The following SPATA17 variants were observed in gnomAD, a reference collection of about 807,000 sequenced individuals.
The protein encoded by SPATA17 is spermatogenesis associated 17, also known as spermatogenesis-associated protein 17.
In SPATA17, 53 loss-of-function variants were observed where a neutral mutation model predicts 62.2. That is an observed-to-expected ratio of 0.85 (90% CI 0.68 to 1.07). SPATA17 has a LOEUF of 1.07. Among genes scored for constraint, SPATA17 ranks in the 50% least tolerant of loss-of-function variants. SPATA17 has a pLI of 0.00. For missense variants in SPATA17, 466 were observed against 425.5 expected (o/e 1.10, Z -0.84); for synonymous variants, 146 against 146.8 (o/e 0.99, Z 0.04).
intron 5 of SPATA17, among the ~76,000 whole-genome samples, chr1:217,695,996 C>G (rs1358132442): frequency 6.6e-6 from 1 of 151,046 alleles, no homozygotes; most frequent in African/African-American, 2.4e-5. Flanking sequence ...GCAGGCAGGC[C>G]TCCTTGAGCT....
chr1:217,724,553 A>C (rs2102936741), intron 5 of SPATA17, among the ~76,000 whole-genome samples: 1 of 152,226 alleles, frequency 6.6e-6, no homozygotes, highest in South Asian at 2.1e-4. Flanking sequence ...GTGCTACTGC[A>C]CTCCAGTCTG....
At chr1:217,849,485 C>T (rs527289218) in intron 9 of SPATA17, among the ~76,000 whole-genome samples, 3 of 152,098 alleles carry the variant, frequency 2.0e-5, no homozygotes, top group African/African-American at 7.2e-5. Flanking sequence ...GTTCACAAAA[C>T]TTTGTTGACC....
At chr1:217,727,529 C>T (rs10863339) in intron 5 of SPATA17, among the ~76,000 whole-genome samples, 38,359 of 151,704 alleles carry the variant, frequency 0.25, 5,275 homozygotes, top group African/African-American at 0.35. Flanking sequence ...AAAGCAGGGG[C>T]TATGTATTAT....
intron 3 of SPATA17, among the ~76,000 whole-genome samples, chr1:217,658,917 A>G (rs1162045507): frequency 6.6e-6 from 1 of 151,966 alleles, no homozygotes; most frequent in East Asian, 1.9e-4. Context: ...TGTGTTTTCT[A>G]TTGTCGCCTG....
chr1:217,718,648 C>A (rs1394732216), intron 5 of SPATA17, among the ~76,000 whole-genome samples: 1 of 151,404 alleles, frequency 6.6e-6, no homozygotes, highest in Non-Finnish European at 1.5e-5. Flanking sequence ...AGCAAAGGTA[C>A]CAGGGAGTTA....
intron 6 of SPATA17, among the ~76,000 whole-genome samples, chr1:217,771,690 A>G (rs931250990): frequency 2.0e-5 from 3 of 152,134 alleles, no homozygotes; most frequent in African/African-American, 7.2e-5. Flanking sequence ...ATTCAATTAA[A>G]ATATATTTTC....
At chr1:217,742,649 A>G (rs1293119275) in intron 6 of SPATA17, among the ~76,000 whole-genome samples, 1 of 152,144 alleles carries the variant, frequency 6.6e-6, no homozygotes, top group Non-Finnish European at 1.5e-5. Context: ...AAATGTCAAT[A>G]CCCTGGATTT....
chr1:217,710,820 G>C (rs1250572127), intron 5 of SPATA17, among the ~76,000 whole-genome samples: 1 of 99,724 alleles, frequency 1.0e-5, no homozygotes, highest in East Asian at 2.4e-4. Context: ...CCCTTTATTA[G>C]TCATCCCCAT....
chr1:217,735,170 G>T (rs536583447), intron 5 of SPATA17, among the ~76,000 whole-genome samples: 3 of 152,274 alleles, frequency 2.0e-5, no homozygotes, highest in South Asian at 4.1e-4. Context: ...CATTATTCTT[G>T]ACCTTCAGGA....
intron 5 of SPATA17, among the ~76,000 whole-genome samples, chr1:217,686,212 G>T (rs12564564): frequency 2.0e-5 from 3 of 152,076 alleles, no homozygotes; most frequent in Non-Finnish European, 4.4e-5. Flanking sequence ...GGGATTACTA[G>T]TCTTTGGAAG....
rs776432950 is a variant in SPATA17 at position 217,648,917 on chromosome 1, C to T, written c.104C>T (p.Ala35Val). 6.2e-7 allele frequency: 1 copy of T among 1,609,544 alleles called. No individual in the cohort carries two copies. Among genetic ancestry groups the T allele is most frequent in the Non-Finnish European group, 8.5e-7 (1 of 1,178,076 alleles). ...CCATTTAGAAAAAAGGAGAATGATG[C>T]AGCAGTTAAAATCCAAAGCTGGTTT... The part of the protein sequence containing the change: ...VDPFRKKEND[A>V]AVKIQSWFRG... The change falls in exon 2 of 11, where the codon GCA becomes GTA. Residue 35 changes from alanine to valine, a missense_variant. By Grantham distance (64) the Ala-to-Val change is moderately conservative. Coordinates refer to ENST00000366933, the MANE Select transcript of SPATA17 (RefSeq NM_138796.4).
chr1:217,801,292 A>G (rs1674305676), intron 8 of SPATA17, among the ~76,000 whole-genome samples: 1 of 152,206 alleles, frequency 6.6e-6, no homozygotes, highest in Admixed American at 6.6e-5. Context: ...TGCCACCATT[A>G]TTGAAGTGAC....
At chr1:217,656,188 C>A (rs190541410) in intron 3 of SPATA17, among the ~76,000 whole-genome samples, 43 of 152,176 alleles carry the variant, frequency 2.8e-4, no homozygotes, top group Admixed American at 2.7e-3. Context: ...CAGGCTGAGA[C>A]GTCTTTTTAA....
chr1:217,670,968 A>G (rs1028090093), intron 4 of SPATA17, among the ~76,000 whole-genome samples: 119 of 151,634 alleles, frequency 7.8e-4, no homozygotes, highest in Admixed American at 1.2e-3. Flanking sequence ...AAAAAAAAAA[A>G]AAAAGAAATC....
chr1:217,663,262 T>C (rs1670610723), intron 3 of SPATA17, among the ~76,000 whole-genome samples: 1 of 152,028 alleles, frequency 6.6e-6, no homozygotes, highest in African/African-American at 2.4e-5. Context: ...CTGGCCAACT[T>C]AGTGAAACCC....
chr1:217,766,720 C>CTTTTTTTTTTTTT (rs71167423), intron 6 of SPATA17, among the ~76,000 whole-genome samples: 2 of 131,398 alleles, frequency 1.5e-5, no homozygotes. Context: ...ATATCGTTCT[C>CTTTTTTTTTTTTT]TTTTTTTTTT....
intron 5 of SPATA17, among the ~76,000 whole-genome samples, chr1:217,737,161 A>ACATCC (rs1672528439): frequency 6.6e-6 from 1 of 152,220 alleles, no homozygotes; most frequent in African/African-American, 2.4e-5. Flanking sequence ...TTCTGGATGT[A>ACATCC]GGAGTTTGGG....
At position 217,782,243 on chromosome 1, in the gene SPATA17, G is replaced by C. The variant is rs778629831; in HGVS notation, c.793G>C (p.Ala265Pro). ...GCCTTTGGAGCCAACGTTGCGGGTGGCAGAACCAATCGATGAGTTAAAGTT... is the reference window on the plus strand; with the variant it reads ...GCCTTTGGAGCCAACGTTGCGGGTGCCAGAACCAATCGATGAGTTAAAGTT... ...YRPLEPTLRV[A>P]EPIDELKLAR... The change falls in exon 8 of 11, where the codon GCA becomes CCA. Residue 265 changes from alanine to proline, a missense_variant. Coordinates refer to ENST00000366933, the MANE Select transcript of SPATA17 (RefSeq NM_138796.4). 1.2e-6 allele frequency: 2 copies of C among 1,612,620 alleles called. No individual in the cohort carries two copies. The highest frequency in any genetic ancestry group is 1.7e-6 in the Non-Finnish European group (2 of 1,179,222).
chr1:217,800,320 C>A (rs974872448), intron 8 of SPATA17, among the ~76,000 whole-genome samples: 2 of 151,940 alleles, frequency 1.3e-5, no homozygotes, highest in African/African-American at 2.4e-5. Context: ...ACTGTCATGT[C>A]TTTTCAGAAG....
Sources: gnomAD v4.1 joint callset for allele counts (sites outside exome capture counted in the v4.1 genomes callset) on GRCh38, gnomAD v4.1.1 for gene constraint, MANE v1.5 for transcripts, NCBI Gene and HGNC (gene_info 2026-07-23, HGNC 2026-07-21) for gene names.